TMEM132C: variants seen among roughly 807,000 people sequenced by gnomAD.
The protein encoded by TMEM132C is protein phosphatase 1, regulatory subunit 152.
A neutral mutation model predicts 61.4 loss-of-function variants in TMEM132C; 29 were observed. The observed-to-expected ratio is 0.47, with a 90% confidence interval of 0.35 to 0.64. TMEM132C has a LOEUF of 0.64. TMEM132C is among the 30% of genes least tolerant of loss of function. The pLI is 0.00. For synonymous variants in TMEM132C, 656 were observed against 633.1 expected (o/e 1.04, Z -0.54); for missense variants, 1,408 against 1,476.9 (o/e 0.95, Z 0.76).
intron 1 of TMEM132C, among the ~76,000 whole-genome samples, chr12:128,322,626 C>T (rs1872371772): frequency 6.6e-6 from 1 of 152,200 alleles, no homozygotes; most frequent in Non-Finnish European, 1.5e-5. Context: ...GAGCTCACTT[C>T]AGAGACTCTG....
intron 1 of TMEM132C, among the ~76,000 whole-genome samples, chr12:128,406,976 C>T (rs1875369516): frequency 6.6e-6 from 1 of 152,144 alleles, no homozygotes; most frequent in African/African-American, 2.4e-5. Flanking sequence ...ATCATGATAC[C>T]CCATAAGATT....
intron 2 of TMEM132C, among the ~76,000 whole-genome samples, chr12:128,449,219 CTG>C (rs1162789298): frequency 6.8e-6 from 1 of 146,164 alleles, no homozygotes; most frequent in East Asian, 2.1e-4. Flanking sequence ...GGTCTGAAAA[CTG>C]AGCCCATTTT....
At chr12:128,347,271 G>A (rs984576326) in intron 1 of TMEM132C, among the ~76,000 whole-genome samples, 2 of 152,278 alleles carry the variant, frequency 1.3e-5, no homozygotes, top group Admixed American at 6.5e-5. Context: ...CTGTTTTACA[G>A]CTGAGTAGTA....
chr12:128,601,953 C>A (rs1438351378), intron 3 of TMEM132C, among the ~76,000 whole-genome samples: 1 of 152,094 alleles, frequency 6.6e-6, no homozygotes, highest in South Asian at 2.1e-4. Flanking sequence ...GTTTTCTTTT[C>A]TGTGATCCCA....
chr12:128,279,277 G>T (rs533389878), intron 1 of TMEM132C, among the ~76,000 whole-genome samples: 1 of 152,254 alleles, frequency 6.6e-6, no homozygotes, highest in South Asian at 2.1e-4. Flanking sequence ...AATTGGTGCT[G>T]TCATTTTTTT....
intron 2 of TMEM132C, among the ~76,000 whole-genome samples, chr12:128,456,582 A>AT (rs1478292347): frequency 6.7e-6 from 1 of 150,278 alleles, no homozygotes; most frequent in Non-Finnish European, 1.5e-5. Context: ...AATTTTTTGT[A>AT]TTTTTGGTAG....
intron 1 of TMEM132C, among the ~76,000 whole-genome samples, chr12:128,363,628 C>T (rs556889061): frequency 3.3e-5 from 5 of 152,042 alleles, no homozygotes; most frequent in Non-Finnish European, 7.4e-5. Context: ...GGGCGGATCA[C>T]GAGGTCAAGA....
intron 4 of TMEM132C, among the ~76,000 whole-genome samples, chr12:128,623,964 C>T (rs1953991072): frequency 6.6e-6 from 1 of 152,184 alleles, no homozygotes; most frequent in South Asian, 2.1e-4. Context: ...TTTTCTTCTT[C>T]CTCACTTTCC....
At chr12:128,312,551 G>A (rs1488436720) in intron 1 of TMEM132C, among the ~76,000 whole-genome samples, 3 of 152,162 alleles carry the variant, frequency 2.0e-5, no homozygotes, top group Admixed American at 2.0e-4. Context: ...GGGAGAGGGA[G>A]ACTTGGATAC....
Position 128,445,741 on chromosome 12 carries a change from C to A in TMEM132C, c.974+30121C>A, listed in dbSNP as rs368137245. On this transcript the variant is annotated intron_variant, in intron 2 of 8. Coordinates refer to ENST00000435159, the MANE Select transcript of TMEM132C (RefSeq NM_001136103.3). ...ATCTCTTTCAGTGCCCTGGCACTTG[C>A]TGAAAAGTCTGCGGGGAATAAGAGT... Among the ~76,000 whole-genome samples the A allele has an allele frequency of 2.6e-5, 4 of 152,318 alleles. No individual in the cohort carries two copies. The East Asian group carries it at 7.7e-4, about 29-fold the overall frequency.
At chr12:128,568,409 A>G (rs1205648620) in intron 3 of TMEM132C, among the ~76,000 whole-genome samples, 1 of 152,206 alleles carries the variant, frequency 6.6e-6, no homozygotes, top group Non-Finnish European at 1.5e-5. Context: ...ACAATTTACA[A>G]TACTGTCTCC....
chr12:128,492,462 C>T (rs866893144), intron 2 of TMEM132C, among the ~76,000 whole-genome samples: 1 of 152,204 alleles, frequency 6.6e-6, no homozygotes, highest in Non-Finnish European at 1.5e-5. Context: ...TTTACACTCC[C>T]ACCAACCGTG....
chr12:128,503,559 T>C (rs1418470082), intron 2 of TMEM132C, among the ~76,000 whole-genome samples: 1 of 152,264 alleles, frequency 6.6e-6, no homozygotes, highest in African/African-American at 2.4e-5. Context: ...CCTATTGGCA[T>C]AATCTTCTTA....
chr12:128,458,301 T>TA (rs1870416946), intron 2 of TMEM132C, among the ~76,000 whole-genome samples: 1 of 2,358 alleles, frequency 4.2e-4, no homozygotes, highest in Non-Finnish European at 3.7e-3. Flanking sequence ...AATTATATAA[T>TA]TATACTAAAA....
At chr12:128,588,980 A>G (rs1003428193) in intron 3 of TMEM132C, among the ~76,000 whole-genome samples, 2 of 152,142 alleles carry the variant, frequency 1.3e-5, no homozygotes, top group African/African-American at 4.8e-5. Flanking sequence ...GAGACAGTCT[A>G]TGGAAGGGCT....
At chr12:128,277,264 G>C (rs928735078) in intron 1 of TMEM132C, among the ~76,000 whole-genome samples, 2 of 152,202 alleles carry the variant, frequency 1.3e-5, no homozygotes. Context: ...ATAGACTTCA[G>C]GCACAGCTGG....
chr12:128,317,513 A>G (rs1872191998), intron 1 of TMEM132C, among the ~76,000 whole-genome samples: 1 of 152,234 alleles, frequency 6.6e-6, no homozygotes. Flanking sequence ...GATATAGTCT[A>G]CATTTCTTTT....
chr12:128,287,729 T>C (rs1485009160), intron 1 of TMEM132C, among the ~76,000 whole-genome samples: 1 of 152,226 alleles, frequency 6.6e-6, no homozygotes, highest in Non-Finnish European at 1.5e-5. Context: ...ATTACTGTTA[T>C]TTAAAGCCAA....
intron 3 of TMEM132C, among the ~76,000 whole-genome samples, chr12:128,598,336 T>A (rs1233422313): frequency 6.6e-6 from 1 of 152,104 alleles, no homozygotes; most frequent in Non-Finnish European, 1.5e-5. Context: ...CTTGGTAGGC[T>A]GAGGCAGGAG....
Sources: allele counts gnomAD v4.1 joint callset (sites outside exome capture counted in the v4.1 genomes callset), GRCh38; gene constraint gnomAD v4.1.1; transcripts MANE v1.5; gene names NCBI Gene and HGNC (gene_info 2026-07-23, HGNC 2026-07-21).